The following CHST8 variants were observed in gnomAD, a reference collection of about 807,000 sequenced individuals.
CHST8 encodes carbohydrate sulfotransferase 8, also known as GALNAC-4-ST1.
Under a neutral mutation model 15.0 loss-of-function variants are expected in CHST8, and 10 were observed. That is an observed-to-expected ratio of 0.67 (90% confidence interval 0.41 to 1.13). The LOEUF (loss-of-function observed/expected upper bound fraction) is 1.13, where lower values mean the gene tolerates loss of function less well. CHST8 is among the 50% of genes most tolerant of loss of function. The pLI, the probability that CHST8 is intolerant of heterozygous loss-of-function variation, is 0.00. For missense variants in CHST8, 634 were observed against 608.2 expected (o/e 1.04, Z -0.45); for synonymous variants, 259 against 256.6 (o/e 1.01, Z -0.09).
intron 2 of CHST8, among the ~76,000 whole-genome samples, chr19:33,670,869 C>T (rs562169193): frequency 6.6e-6 from 1 of 152,234 alleles, no homozygotes; most frequent in South Asian, 2.1e-4. Context: ...ATTTTGTCCT[C>T]GTAATAATCT....
chr19:33,720,534 G>A (rs115632809), intron 3 of CHST8, among the ~76,000 whole-genome samples: 2,673 of 152,236 alleles, frequency 0.018, 56 homozygotes, highest in African/African-American at 0.05. Context: ...CGGAATGCAT[G>A]TAGCAAACAC....
intron 1 of CHST8, among the ~76,000 whole-genome samples, chr19:33,662,933 G>A (rs1469587839): frequency 6.6e-6 from 1 of 152,184 alleles, no homozygotes; most frequent in Non-Finnish European, 1.5e-5. Context: ...TATATTCACA[G>A]TGATTCTCCT....
chr19:33,698,866 C>T (rs1362827413), intron 3 of CHST8, among the ~76,000 whole-genome samples: 4 of 152,152 alleles, frequency 2.6e-5, no homozygotes, highest in Non-Finnish European at 5.9e-5. Context: ...TGCGTTTCCA[C>T]TCACAGGTCG....
intron 3 of CHST8, among the ~76,000 whole-genome samples, chr19:33,710,872 GT>G (rs10532515): frequency 0.12 from 16,791 of 138,528 alleles, 1,465 homozygotes; most frequent in African/African-American, 0.26. Context: ...AATTTCTGGA[GT>G]TTTTTTTTTT....
chr19:33,710,872 G>GGTT (rs397802097), intron 3 of CHST8, among the ~76,000 whole-genome samples: 1 of 138,624 alleles, frequency 7.2e-6, no homozygotes, highest in Non-Finnish European at 1.6e-5. Context: ...AATTTCTGGA[G>GGTT]TTTTTTTTTT....
At chr19:33,687,530 A>G (rs1211725812) in intron 2 of CHST8, among the ~76,000 whole-genome samples, 2 of 152,184 alleles carry the variant, frequency 1.3e-5, no homozygotes, top group Non-Finnish European at 2.9e-5. Flanking sequence ...GTGATTCTGT[A>G]AAAAGCTGGA....
chr19:33,765,560 A>T (rs147928128), intron 3 of CHST8, among the ~76,000 whole-genome samples: 19,711 of 128,378 alleles, frequency 0.15, 1,516 homozygotes, highest in Middle Eastern at 0.2. Flanking sequence ...TGTGTCAGAG[A>T]GAGAGAGAGA....
intron 1 of CHST8, among the ~76,000 whole-genome samples, chr19:33,666,288 CAT>C (rs1491463342): frequency 1.3e-5 from 2 of 152,094 alleles, no homozygotes; most frequent in Admixed American, 6.5e-5. Context: ...TGAGTGTGAG[CAT>C]GTGTGTGTGT....
intron 3 of CHST8, among the ~76,000 whole-genome samples, chr19:33,757,581 AAAGAAAGAAAGAAAG>A (rs1974624305): frequency 7.0e-6 from 1 of 143,364 alleles, no homozygotes; most frequent in African/African-American, 2.6e-5. Context: ...AGAAAGAAAG[AAAGAAAGAAAGAAAG>A]AAAGAAAGAG....
At chr19:33,669,903 A>G (rs1972713903) in intron 2 of CHST8, among the ~76,000 whole-genome samples, 1 of 152,242 alleles carries the variant, frequency 6.6e-6, no homozygotes, top group Admixed American at 6.5e-5. Flanking sequence ...GACTAACTAT[A>G]GAATTGATTA....
chr19:33,638,351 C>T (rs1297502972), intron 1 of CHST8, among the ~76,000 whole-genome samples: 1 of 152,162 alleles, frequency 6.6e-6, no homozygotes, highest in Middle Eastern at 3.2e-3. Flanking sequence ...GGGGGCAAAG[C>T]ATGCAGACCG....
intron 2 of CHST8, chr19:33,684,697 C>A (rs3810364): frequency 6.6e-6 from 1 of 151,946 alleles, no homozygotes; most frequent in African/African-American, 2.4e-5. Flanking sequence ...GTGGTGCTCT[C>A]GGGGGACTGG....
At chr19:33,673,506 A>C (rs1430901052) in intron 2 of CHST8, among the ~76,000 whole-genome samples, 1 of 152,132 alleles carries the variant, frequency 6.6e-6, no homozygotes, top group Non-Finnish European at 1.5e-5. Context: ...CCCCACCCCC[A>C]GTTCTGAGGC....
chr19:33,651,791 T>C (rs1972452282), intron 1 of CHST8, among the ~76,000 whole-genome samples: 1 of 152,212 alleles, frequency 6.6e-6, no homozygotes, highest in African/African-American at 2.4e-5. Flanking sequence ...TTAATTTTAG[T>C]GGAGAATTCC....
intron 1 of CHST8, among the ~76,000 whole-genome samples, chr19:33,626,784 T>C (rs1972059319): frequency 5.0e-5 from 2 of 39,704 alleles, no homozygotes; most frequent in Non-Finnish European, 6.5e-5. Flanking sequence ...TTTTTTTTCC[T>C]TTTTTTTTTT....
chr19:33,730,734 C>T (rs1973978613), intron 3 of CHST8, among the ~76,000 whole-genome samples: 1 of 152,232 alleles, frequency 6.6e-6, no homozygotes, highest in Non-Finnish European at 1.5e-5. Flanking sequence ...CTCCCACAAT[C>T]ACAAAGTGAA....
Position 33,685,492 on chromosome 19 carries a change from T to G in CHST8, c.-86-3684T>G, listed in dbSNP as rs1256985677. On this transcript the variant is annotated intron_variant, in intron 2 of 4. Coordinates refer to ENST00000650847, the MANE Select transcript of CHST8 (RefSeq NM_001127895.2). ...GCTGGGGCTGTTTATTTTTCTTGCC[T>G]GAACCCTCCCTCTTCTCTGCCCCTG... 2.0e-5 allele frequency among the ~76,000 whole-genome samples: 3 copies of G among 151,414 alleles called. No homozygotes were observed. The East Asian group carries it at 5.8e-4, about 29-fold the overall frequency.
chr19:33,771,257 G>A (rs185236703), intron 3 of CHST8, among the ~76,000 whole-genome samples, 156 bp from the exon 4 acceptor site: 264 of 152,242 alleles, frequency 1.7e-3, no homozygotes, highest in Non-Finnish European at 2.8e-3. Flanking sequence ...GGATGGAGGG[G>A]CTCCAGCACT....
At chr19:33,708,472 G>A (rs189967609) in intron 3 of CHST8, among the ~76,000 whole-genome samples, 219 of 152,282 alleles carry the variant, frequency 1.4e-3, no homozygotes, top group Admixed American at 2.3e-3. Context: ...TTCCCAGCAC[G>A]TGCTGAAGAC....
Sources: allele counts gnomAD v4.1 joint callset (sites outside exome capture counted in the v4.1 genomes callset), GRCh38; gene constraint gnomAD v4.1.1; transcripts MANE v1.5; gene names NCBI Gene and HGNC (gene_info 2026-07-23, HGNC 2026-07-21).